The following TASP1 variants were observed in gnomAD, a reference collection of about 807,000 sequenced individuals.
TASP1 encodes the protein threonine aspartase 1.
Under a neutral mutation model 56.6 loss-of-function variants are expected in TASP1, and 16 were observed. The observed-to-expected ratio is 0.28, with a 90% CI of 0.19 to 0.43. The LOEUF is 0.43. Among genes scored for constraint, TASP1 ranks in the 20% least tolerant of loss-of-function variants. The pLI is 1.00. For synonymous variants in TASP1, 179 were observed against 184.2 expected (o/e 0.97, Z 0.23); for missense variants, 393 against 511.6 (o/e 0.77, Z 2.24).
At chr20:13,524,684 T>A (rs117398948) in intron 10 of TASP1, among the ~76,000 whole-genome samples, 14 of 152,312 alleles carry the variant, frequency 9.2e-5, no homozygotes, top group South Asian at 2.1e-4. Flanking sequence ...TTCTAAAATA[T>A]ACTTTTTTCA....
At chr20:13,528,557 G>C (rs1023484765) in intron 9 of TASP1, 46 bp from the exon 10 acceptor site, 3 of 1,473,050 alleles carry the variant, frequency 2.0e-6, no homozygotes, top group Non-Finnish European at 2.8e-6. Flanking sequence ...AATATCATAT[G>C]TAATTATTAG....
chr20:13,146,664 T>C, the TASP1 span, among the ~76,000 whole-genome samples: 1 of 152,208 alleles, frequency 6.6e-6, no homozygotes, highest in East Asian at 1.9e-4. Flanking sequence ...TATATATTAT[T>C]TGATATCTGC....
In TASP1 at chr20:13,593,124, AGAG is replaced by A. The variant is rs567207097; in HGVS notation, c.283-5757_283-5755del. Among the ~76,000 whole-genome samples, 16 of 152,348 alleles carry A rather than the reference AGAG, an allele frequency of 1.1e-4. No homozygotes were observed. The East Asian group carries it at 2.1e-3, about 20-fold the overall frequency. ...TAAAAACTCTCAGAAATCCAGGAAT[AGAG>A]GAGAATTTCCTTAACTTAATTAACT... On this transcript the variant is annotated intron_variant, in intron 4 of 13. Transcript: ENST00000337743.
chr20:13,619,577 A>G (rs1244736554), intron 4 of TASP1, among the ~76,000 whole-genome samples: 1 of 152,226 alleles, frequency 6.6e-6, no homozygotes, highest in Non-Finnish European at 1.5e-5. Context: ...TTCTCAAAAA[A>G]GAAATTCACA....
At chr20:13,594,758 C>T (rs898195900) in intron 4 of TASP1, among the ~76,000 whole-genome samples, 2 of 152,154 alleles carry the variant, frequency 1.3e-5, no homozygotes, top group Admixed American at 6.5e-5. Context: ...GATTGGTATA[C>T]CTCAAAGTGA....
chr20:13,171,193 A>G, the TASP1 span, among the ~76,000 whole-genome samples: 1 of 152,176 alleles, frequency 6.6e-6, no homozygotes, highest in East Asian at 1.9e-4. Flanking sequence ...TCATACAACT[A>G]TTTTTATAGT....
chr20:13,537,129 A>G (rs1231606132), intron 8 of TASP1, among the ~76,000 whole-genome samples: 3 of 152,170 alleles, frequency 2.0e-5, no homozygotes, highest in African/African-American at 7.2e-5. Context: ...TTTTCCTAGC[A>G]TTTCAATCAG....
chr20:13,583,387 G>A (rs550228397), intron 5 of TASP1, among the ~76,000 whole-genome samples: 54 of 152,304 alleles, frequency 3.5e-4, no homozygotes, highest in African/African-American at 1.1e-3. Context: ...CTTCAATGAC[G>A]TCTAAACGTA....
intron 10 of TASP1, among the ~76,000 whole-genome samples, chr20:13,522,348 G>C (rs2044796540): frequency 6.6e-6 from 1 of 152,164 alleles, no homozygotes; most frequent in African/African-American, 2.4e-5. Flanking sequence ...TAGGAGGCTA[G>C]CAATGATCCA....
chr20:13,379,583 G>A, the TASP1 span, among the ~76,000 whole-genome samples: 3 of 151,876 alleles, frequency 2.0e-5, no homozygotes, highest in Admixed American at 1.3e-4. Context: ...GAGTATCTTT[G>A]TGGTGTTCTC....
At chr20:13,160,074 C>T in the TASP1 span, 1 of 1,613,850 alleles carries the variant, frequency 6.2e-7, no homozygotes, top group Non-Finnish European at 8.5e-7. Context: ...ACTCCCCTCG[C>T]AGAAGCTCGG....
chr20:13,549,492 T>C (rs1480104785), intron 8 of TASP1, among the ~76,000 whole-genome samples: 1 of 152,106 alleles, frequency 6.6e-6, no homozygotes, highest in African/African-American at 2.4e-5. Flanking sequence ...TCATTTATTC[T>C]GCTGTCTTAT....
the TASP1 span, chr20:13,165,433 T>C: frequency 6.6e-6 from 1 of 152,470 alleles, no homozygotes; most frequent in African/African-American, 2.4e-5. Context: ...TCAAAAGACA[T>C]AGTTAATGTT....
intron 11 of TASP1, among the ~76,000 whole-genome samples, chr20:13,449,122 A>G (rs8121747): frequency 3.3e-5 from 5 of 152,050 alleles, no homozygotes; most frequent in African/African-American, 1.2e-4. Context: ...TGGTATCTAC[A>G]CTATAGTCCA....
intron 7 of TASP1, among the ~76,000 whole-genome samples, chr20:13,564,531 T>C (rs1159487830): frequency 6.6e-6 from 1 of 150,526 alleles, no homozygotes; most frequent in Non-Finnish European, 1.5e-5. Flanking sequence ...AGATTCAGTG[T>C]AATCCCTAAC....
the TASP1 span, among the ~76,000 whole-genome samples, chr20:13,163,889 A>G: frequency 2.0e-5 from 3 of 152,328 alleles, no homozygotes; most frequent in East Asian, 5.8e-4. Flanking sequence ...ACTAGAATTG[A>G]AAATGACCTT....
chr20:13,404,099 T>A (rs2041833347), intron 13 of TASP1, among the ~76,000 whole-genome samples: 1 of 152,200 alleles, frequency 6.6e-6, no homozygotes, highest in South Asian at 2.1e-4. Flanking sequence ...CTCATGCCCT[T>A]TTCCTGAAGC....
chr20:13,360,726 C>T, the TASP1 span, among the ~76,000 whole-genome samples: 1 of 152,186 alleles, frequency 6.6e-6, no homozygotes, highest in Non-Finnish European at 1.5e-5. Context: ...ATACTTTCTG[C>T]TTCCCAGCTC....
the TASP1 span, chr20:13,117,783 G>C: frequency 6.9e-7 from 1 of 1,450,824 alleles, no homozygotes; most frequent in Non-Finnish European, 9.4e-7. Context: ...GATGCCGTGT[G>C]TAGGGCTTCT....
Sources: allele counts gnomAD v4.1 joint callset (sites outside exome capture counted in the v4.1 genomes callset), GRCh38; gene constraint gnomAD v4.1.1; transcripts MANE v1.5; gene names NCBI Gene and HGNC (gene_info 2026-07-23, HGNC 2026-07-21).